RYR3: variants seen among roughly 807,000 people sequenced by gnomAD.
RYR3 encodes the protein brain ryanodine receptor-calcium release channel.
In RYR3, 207 loss-of-function variants were observed where a neutral mutation model predicts 584.3. The ratio of observed to expected loss-of-function variants is 0.35; its 90% confidence interval spans 0.32 to 0.40. The LOEUF is 0.40. Ranked by LOEUF, RYR3 falls within the 10% of genes least tolerant of loss-of-function variation. RYR3 has a pLI of 1.00. For synonymous variants in RYR3, 2,416 were observed against 2,248.5 expected, an observed-to-expected ratio of 1.07 and a Z score of -2.11; for missense variants, 5,616 against 6,089.2, an observed-to-expected ratio of 0.92 and a Z score of 2.59.
At position 33,699,814 on chromosome 15, in the gene RYR3, G is replaced by A. The variant is rs1376582686; in HGVS notation, c.6360G>A (p.Glu2120=). 4 of 1,613,682 alleles carry A rather than the reference G, an allele frequency of 2.5e-6. No individual in the cohort carries two copies. Among genetic ancestry groups the A allele is most frequent in the Non-Finnish European group, 3.4e-6 (4 of 1,179,782 alleles). Reference sequence around the variant, plus strand: ...TTGAGCATCTGAGTTATCTTCTGGAGAATAGCAGTGTTGGCCTAGGTGCGT... The same window carrying A: ...TTGAGCATCTGAGTTATCTTCTGGAAAATAGCAGTGTTGGCCTAGGTGCGT... ...AMFEHLSYLL[E]NSSVGLASPS... Residue 2120 remains glutamate, a synonymous_variant, in exon 41 of 104, where the codon GAG becomes GAA. Coordinates refer to ENST00000634891, the MANE Select transcript of RYR3 (RefSeq NM_001036.6).
chr15:33,653,873 TATAATGAAGGTTATTAGC>T (rs1595991321), intron 32 of RYR3, among the ~76,000 whole-genome samples: 1 of 152,194 alleles, frequency 6.6e-6, no homozygotes, highest in African/African-American at 2.4e-5. Flanking sequence ...CTTGAAGTTT[TATAATGAAGGTTATTAGC>T]ACACTGAAAT....
At position 33,826,126 on chromosome 15, in the gene RYR3, G is replaced by A. The variant is rs140104331; in HGVS notation, c.11147-126G>A. 2.9e-4 allele frequency: 260 copies of A among 886,794 alleles called. 1 individual carries two copies. In the African/African-American group the frequency reaches 3.4e-3, roughly 11 times the overall value. 54.9% of individuals were successfully genotyped at this position (886,794 alleles called of 1,614,324 possible). A position where few individuals can be genotyped will look rare whatever the true frequency, so the allele number is the denominator to read the frequency against. On this transcript the variant is annotated intron_variant, in intron 82 of 103. Coordinates refer to ENST00000634891, the MANE Select transcript of RYR3 (RefSeq NM_001036.6). ...TCTGTTTCAGTAAAATGCTTCCATC[G>A]GTAGCTTTAATAAAGCTATCATCTA...
At chr15:33,771,724 C>T (rs2073589969) in intron 62 of RYR3, among the ~76,000 whole-genome samples, 196 bp from the exon 63 acceptor site, 1 of 152,126 alleles carries the variant, frequency 6.6e-6, no homozygotes, top group African/African-American at 2.4e-5. Flanking sequence ...TCAGACTGTC[C>T]AGTGGCTAGC....
intron 12 of RYR3, among the ~76,000 whole-genome samples, chr15:33,568,863 C>A (rs2057863247): frequency 6.6e-6 from 1 of 152,156 alleles, no homozygotes; most frequent in Admixed American, 6.5e-5. Context: ...CACCCACAGC[C>A]CTAGGCAACC....
intron 65 of RYR3, among the ~76,000 whole-genome samples, chr15:33,781,726 G>A (rs114804330): frequency 6.6e-6 from 1 of 151,950 alleles, no homozygotes; most frequent in African/African-American, 2.4e-5. Flanking sequence ...GTTCTCAGAG[G>A]TAGTCAAGAG....
At chr15:33,839,572 G>C (rs2078235882) in intron 89 of RYR3, 1 of 152,352 alleles carries the variant, frequency 6.6e-6, no homozygotes, top group Admixed American at 6.5e-5. Context: ...TAGCATCAAA[G>C]AGAGTAGAGA....
intron 7 of RYR3, among the ~76,000 whole-genome samples, chr15:33,541,345 T>C (rs576513955): frequency 6.6e-6 from 1 of 152,318 alleles, no homozygotes; most frequent in African/African-American, 2.4e-5. Flanking sequence ...GTTTGGTCAT[T>C]TGTTTTCACT....
chr15:33,547,004 A>T (rs1033838860), intron 8 of RYR3, among the ~76,000 whole-genome samples: 20 of 152,214 alleles, frequency 1.3e-4, no homozygotes, highest in Admixed American at 3.3e-4. Context: ...CAAGATTCTC[A>T]GAAAGTGGCT....
chr15:33,642,992 G>T (rs918769707), intron 27 of RYR3, among the ~76,000 whole-genome samples: 1 of 152,184 alleles, frequency 6.6e-6, no homozygotes, highest in Non-Finnish European at 1.5e-5. Context: ...AGAGATTTAC[G>T]TTTCACTTAT....
At chr15:33,726,578 C>CA in intron 46 of RYR3, 72 bp downstream of exon 46, 2 of 1,459,734 alleles carry the variant, frequency 1.4e-6, no homozygotes, top group South Asian at 1.4e-5. Flanking sequence ...ACTCTGTCCC[C>CA]AGCACAGTGG....
At position 33,473,346 on chromosome 15, in the gene RYR3, G is replaced by A. The variant is rs769354071; in HGVS notation, c.52-73G>A. The A allele has an allele frequency of 5.0e-6, 8 of 1,588,950 alleles. No individual in the cohort carries two copies. The East Asian group carries it at 1.6e-4, about 31-fold the overall frequency. The stretch of plus-strand genomic sequence containing the variant: ...GGGATTGGTGGCTTACCTGACTCAG[G>A]TACAGGAAGGTGACTCGGGGCCTGG... On this transcript the variant is annotated intron_variant, in intron 1 of 103. Transcript: ENST00000634891.
chr15:33,461,240 G>T (rs1473609423), intron 1 of RYR3, among the ~76,000 whole-genome samples: 1 of 151,994 alleles, frequency 6.6e-6, no homozygotes, highest in Non-Finnish European at 1.5e-5. Flanking sequence ...CACCGCGCCC[G>T]GCCTACTAAT....
chr15:33,603,234 A>T lies in RYR3; in HGVS notation c.2034A>T (p.Thr678=). Residue 678 remains threonine, a synonymous_variant, in exon 18 of 104, where the codon ACA becomes ACT. Coordinates refer to ENST00000634891, the MANE Select transcript of RYR3 (RefSeq NM_001036.6). ...QVDPFLTAEP[T]HLRVGWASSS... ...ACCCCTTCCTAACAGCAGAGCCCAC[A>T]CATCTGCGGGTGGGCTGGGCCTCTT... 1 of 1,613,894 alleles carries T rather than the reference A, an allele frequency of 6.2e-7. No homozygotes were observed. Among genetic ancestry groups the T allele is most frequent in the South Asian group, 1.1e-5 (1 of 91,072 alleles).
intron 46 of RYR3, among the ~76,000 whole-genome samples, chr15:33,727,933 C>T (rs1176721163): frequency 1.3e-5 from 2 of 152,134 alleles, no homozygotes; most frequent in Non-Finnish European, 1.5e-5. Flanking sequence ...CATAGTATTT[C>T]CCCACTTCAC....
chr15:33,707,814 CAGTTGTTCTAAGA>C lies in RYR3; in HGVS notation c.6619+762_6619+774del, dbSNP rs542165931. On this transcript the variant is annotated intron_variant, in intron 43 of 103. Coordinates refer to ENST00000634891, the MANE Select transcript of RYR3 (RefSeq NM_001036.6). ...GATTGCAGCTAACACACAATCATGC[CAGTTGTTCTAAGA>C]ATTTGTCTCAAAATATGTTGATATA... Among the ~76,000 whole-genome samples the C allele has an allele frequency of 1.7e-3, 266 of 152,206 alleles. 1 individual carries two copies. Among genetic ancestry groups the C allele is most frequent in the Middle Eastern group, 0.01 (3 of 294 alleles).
Position 33,742,454 on chromosome 15 carries a change from A to G in RYR3, c.7899+10A>G, listed in dbSNP as rs773682713. On this transcript the variant is annotated intron_variant, in intron 52 of 103. Transcript: ENST00000634891. ...ATGGGCCTGTGACAAGGTAGGGATTATCATCCAACTGACAATCGTCAGGAA... is the reference window on the plus strand; with the variant it reads ...ATGGGCCTGTGACAAGGTAGGGATTGTCATCCAACTGACAATCGTCAGGAA... 1 of 1,562,084 alleles carries G rather than the reference A, an allele frequency of 6.4e-7. No homozygotes were observed. The highest frequency in any genetic ancestry group is 1.7e-5 in the Admixed American group (1 of 59,960).
chr15:33,750,041 G>A lies in RYR3; in HGVS notation c.8262G>A (p.Glu2754=), dbSNP rs2071126811. ...TCTGGGCCAAGAAGAAGAAGCTGGA[G>A]CTGGAGAGCAAAGGTGAGTGAGGTT... The part of the protein sequence containing the change: ...HNIWAKKKKL[E]LESKGGGSHP... Residue 2754 remains glutamate, a synonymous_variant, in exon 56 of 104, where the codon GAG becomes GAA. Coordinates refer to ENST00000634891, the MANE Select transcript of RYR3 (RefSeq NM_001036.6). 1.2e-6 allele frequency: 2 copies of A among 1,611,850 alleles called. No homozygotes were observed. The highest frequency in any genetic ancestry group is 1.1e-5 in the South Asian group (1 of 90,298).
intron 1 of RYR3, among the ~76,000 whole-genome samples, chr15:33,321,279 T>C (rs1041716125): frequency 3.3e-5 from 5 of 152,194 alleles, no homozygotes; most frequent in Non-Finnish European, 7.3e-5. Context: ...GGATCTGGCT[T>C]TTCATATCCA....
chr15:33,816,857 C>T lies in RYR3; in HGVS notation c.10503-5C>T, dbSNP rs772779259. 8.1e-6 allele frequency: 13 copies of T among 1,606,898 alleles called. No homozygotes were observed. Among genetic ancestry groups the T allele is most frequent in the Non-Finnish European group, 1.1e-5 (13 of 1,174,746 alleles). On this transcript the variant is annotated splice_polypyrimidine_tract_variant and splice_region_variant and intron_variant, in intron 74 of 103. Coordinates refer to ENST00000634891, the MANE Select transcript of RYR3 (RefSeq NM_001036.6). ...CTTGACCTCCCTCTCACCCCTTCCG[C>T]TCAGGCACCGCTCTATTAACCTCTT... is the stretch of plus-strand genomic sequence containing the variant.
Sources: allele counts gnomAD v4.1 joint callset (sites outside exome capture counted in the v4.1 genomes callset), GRCh38; gene constraint gnomAD v4.1.1; transcripts MANE v1.5; gene names NCBI Gene and HGNC (gene_info 2026-07-23, HGNC 2026-07-21).